Variants in MYCBP2 observed in about 807,000 individuals in gnomAD.
MYCBP2 encodes MYC binding protein 2, also known as E3 ubiquitin-protein ligase MYCBP2.
In MYCBP2, 120 loss-of-function variants were observed where a neutral mutation model predicts 525.3. The observed-to-expected ratio is 0.23, with a 90% CI of 0.20 to 0.27. The LOEUF (loss-of-function observed/expected upper bound fraction) is 0.27. MYCBP2 is among the 10% of genes least tolerant of loss of function. The probability of loss-of-function intolerance (pLI) is 1.00; values close to 1 mark genes in which losing one functional copy is unlikely to be tolerated. For missense variants in MYCBP2, 4,149 were observed against 5,657.1 expected (o/e 0.73, Z 8.55); for synonymous variants, 1,894 against 1,955.8 (o/e 0.97, Z 0.83).
chr13:77,063,023 A>G (rs2039582762), intron 73 of MYCBP2, among the ~76,000 whole-genome samples: 1 of 152,200 alleles, frequency 6.6e-6, no homozygotes, highest in South Asian at 2.1e-4. Context: ...CATATTTAAT[A>G]TTTACTACTA....
chr13:77,228,012 C>T (rs966806398), intron 18 of MYCBP2, among the ~76,000 whole-genome samples: 9 of 151,932 alleles, frequency 5.9e-5, no homozygotes, highest in Non-Finnish European at 1.3e-4. Flanking sequence ...AGATGAGGGT[C>T]TTAATCTTTA....
At position 77,077,367 on chromosome 13, in the gene MYCBP2, G is replaced by A. The variant is rs2042487133; in HGVS notation, c.11505C>T (p.His3835=). Residue 3835 remains histidine (H), a synonymous_variant, in exon 67 of 83, where the codon CAC becomes CAT. Coordinates refer to ENST00000544440, the MANE Select transcript of MYCBP2 (RefSeq NM_015057.5). Reference sequence around the variant, plus strand: ...GAAGTTCACTTGTTACCCAGCCAATGTGCCTGGAATCCAGATCAACCTGGT... The same window carrying A: ...GAAGTTCACTTGTTACCCAGCCAATATGCCTGGAATCCAGATCAACCTGGT... ...RIKQVDLDSR[H]IGWVTSELPG... The A allele has an allele frequency of 6.2e-7, 1 of 1,613,860 alleles. No homozygotes were observed. The highest frequency in any genetic ancestry group is 1.3e-5 in the African/African-American group (1 of 74,886).
In MYCBP2 at chr13:77,204,954, C is replaced by G. The variant is rs1593864176; in HGVS notation, c.3843+302G>C. On this transcript the variant is annotated intron_variant, in intron 26 of 82. Coordinates refer to ENST00000544440, the MANE Select transcript of MYCBP2 (RefSeq NM_015057.5). ...GGGAGATATACCTAATGCTAGATGA[C>G]AAGTTCGTGGGTGCAGCGCATCAGC... Among the ~76,000 whole-genome samples, 4 of 150,512 alleles carry G rather than the reference C, an allele frequency of 2.7e-5. No individual in the cohort carries two copies. In the South Asian group the frequency reaches 8.5e-4, roughly 32 times the overall value.
intron 49 of MYCBP2, among the ~76,000 whole-genome samples, chr13:77,142,726 T>C (rs149272381): frequency 2.0e-5 from 3 of 152,334 alleles, no homozygotes; most frequent in East Asian, 3.9e-4. Context: ...GACTACCATA[T>C]ACAAGTTGAG....
Position 77,326,470 on chromosome 13 carries a change from G to C in MYCBP2, c.302+4C>G. 11 of 1,550,020 alleles carry C rather than the reference G, an allele frequency of 7.1e-6. No homozygotes were observed. Among genetic ancestry groups the C allele is most frequent in the Non-Finnish European group, 9.5e-6 (11 of 1,152,556 alleles). ...GCGCAAGGAAGGGCACCCTGGGGACGCACCTGGAGGCTGGGTGTCCAGCGC... is the reference window on the plus strand; with the variant it reads ...GCGCAAGGAAGGGCACCCTGGGGACCCACCTGGAGGCTGGGTGTCCAGCGC... On this transcript the variant is annotated splice_donor_region_variant and intron_variant, in intron 1 of 82. Coordinates refer to ENST00000544440, the MANE Select transcript of MYCBP2 (RefSeq NM_015057.5). This position sits in a 1 kb window ranked among gnomAD's most constrained non-coding sequence, Gnocchi z 4.2.
chr13:77,312,038 C>T (rs933557455), intron 1 of MYCBP2, among the ~76,000 whole-genome samples: 2 of 152,022 alleles, frequency 1.3e-5, no homozygotes, highest in African/African-American at 4.8e-5. Context: ...ATAAGGTTTA[C>T]ATTACAAAGA....
Position 77,106,943 on chromosome 13 carries a change from G to T in MYCBP2, c.8141-7930C>A, listed in dbSNP as rs191878628. Reference sequence around the variant, plus strand: ...AAGATATTGGCAAGAGCTTGAGGAGGTTTTATAAATAAGTCTTGTGACAAT... The same window carrying T: ...AAGATATTGGCAAGAGCTTGAGGAGTTTTTATAAATAAGTCTTGTGACAAT... On this transcript the variant is annotated intron_variant, in intron 55 of 82. Coordinates refer to ENST00000544440, the MANE Select transcript of MYCBP2 (RefSeq NM_015057.5). Among the ~76,000 whole-genome samples, 5 of 152,198 alleles carry T rather than the reference G, an allele frequency of 3.3e-5. No homozygotes were observed. In the East Asian group the frequency reaches 9.7e-4, roughly 29 times the overall value.
intron 54 of MYCBP2, among the ~76,000 whole-genome samples, chr13:77,123,662 C>CA (rs1308907950): frequency 6.6e-6 from 1 of 152,168 alleles, no homozygotes; most frequent in Non-Finnish European, 1.5e-5. Flanking sequence ...AAAAGTTGCA[C>CA]AGCTGGGATC....
chr13:77,251,576 CA>C (rs2071213036), intron 14 of MYCBP2, among the ~76,000 whole-genome samples: 1 of 152,206 alleles, frequency 6.6e-6, no homozygotes, highest in Non-Finnish European at 1.5e-5. Flanking sequence ...AGGCTATTGT[CA>C]AATGTCTCTT....
chr13:77,301,224 G>A (rs981276511), intron 1 of MYCBP2, among the ~76,000 whole-genome samples: 3 of 151,900 alleles, frequency 2.0e-5, no homozygotes, highest in African/African-American at 7.3e-5. Flanking sequence ...AGACCAGCTT[G>A]GCCAACATGG....
At chr13:77,085,486 C>T (rs1011120347) in intron 62 of MYCBP2, among the ~76,000 whole-genome samples, 5 of 152,126 alleles carry the variant, frequency 3.3e-5, no homozygotes, top group African/African-American at 1.2e-4. Context: ...TTTTTCTCTG[C>T]CTGACCTATC....
rs1046583157 is a variant in MYCBP2 at position 77,045,573 on chromosome 13, T to C, written c.13922-80A>G. ...TAAACCTCACAGAAATATAAATCAC[T>C]GATAGGTTATTCAAAGAAATAACAT... On this transcript the variant is annotated intron_variant, in intron 82 of 82. Coordinates refer to ENST00000544440, the MANE Select transcript of MYCBP2 (RefSeq NM_015057.5). 5 of 814,080 alleles carry C rather than the reference T, an allele frequency of 6.1e-6. No individual in the cohort carries two copies. The African/African-American group carries it at 8.6e-5, about 14-fold the overall frequency. The allele number at this position is 814,080 out of a possible 1,614,324, so 50.4% of individuals were successfully genotyped here.
chr13:77,200,718 A>G (rs2062419651), intron 26 of MYCBP2, among the ~76,000 whole-genome samples: 1 of 152,228 alleles, frequency 6.6e-6, no homozygotes, highest in Non-Finnish European at 1.5e-5. Context: ...ACAAGCCAGA[A>G]GAGAGTGGGG....
At chr13:77,075,157 G>A (rs1368715718) in intron 68 of MYCBP2, among the ~76,000 whole-genome samples, 5 of 152,132 alleles carry the variant, frequency 3.3e-5, no homozygotes, top group East Asian at 1.9e-4. Context: ...GCAGTGAGCC[G>A]TGATCATACC....
At chr13:77,190,373 T>C (rs777402991) in intron 28 of MYCBP2, 38 bp from the exon 29 acceptor site, 2 of 1,200,276 alleles carry the variant, frequency 1.7e-6, no homozygotes, top group East Asian at 2.3e-5. Flanking sequence ...AACAACATGA[T>C]CATTACAGGA....
At position 77,185,136 on chromosome 13, in the gene MYCBP2, A is replaced by C. The variant is rs769823834; in HGVS notation, c.4686T>G (p.Ala1562=). Residue 1562 remains alanine, a synonymous_variant, in exon 32 of 83, where the codon GCT becomes GCG. Coordinates refer to ENST00000544440, the MANE Select transcript of MYCBP2 (RefSeq NM_015057.5). ...AACAATTCAGCAGATCACAAAGGCA[A>C]GCCCACTGTAAGGCAGGAGTTGGGT... ...SFYPTPALQW[A]CLCDLLNCLD... The C allele has an allele frequency of 3.1e-6, 5 of 1,614,154 alleles. No individual in the cohort carries two copies. Among genetic ancestry groups the C allele is most frequent in the Non-Finnish European group, 3.4e-6 (4 of 1,180,002 alleles).
At chr13:77,087,846 T>A (rs377363501) in intron 61 of MYCBP2, 1 of 406,154 alleles carries the variant, frequency 2.5e-6, no homozygotes, top group African/African-American at 2.0e-5. Context: ...AGTGGTGTGA[T>A]CATGGCTCAC....
At chr13:77,088,026 C>T (rs2044665876) in intron 61 of MYCBP2, among the ~76,000 whole-genome samples, 1 of 152,028 alleles carries the variant, frequency 6.6e-6, no homozygotes, top group Admixed American at 6.6e-5. Flanking sequence ...TCAAGTGATC[C>T]TCCCTCCTCC....
At chr13:77,176,476 G>C (rs1279689396) in intron 36 of MYCBP2, 21 bp downstream of exon 36, 1 of 1,565,408 alleles carries the variant, frequency 6.4e-7, no homozygotes, top group Non-Finnish European at 8.7e-7. Flanking sequence ...ATTCACAATA[G>C]AAACATTCAG....
Sources: gnomAD v4.1 joint callset for allele counts (sites outside exome capture counted in the v4.1 genomes callset) on GRCh38, gnomAD v4.1.1 for gene constraint, Gnocchi (gnomAD v3.1) non-coding constraint, MANE v1.5 for transcripts, NCBI Gene and HGNC (gene_info 2026-07-23, HGNC 2026-07-21) for gene names.